Variants in GPHN observed in about 807,000 individuals in gnomAD.
GPHN encodes gephyrin.
A neutral mutation model predicts 95.5 loss-of-function variants in GPHN; 17 were observed. That is an observed-to-expected ratio of 0.18 (90% CI 0.12 to 0.27). GPHN has a LOEUF of 0.27. Among genes scored for constraint, GPHN ranks in the 10% least tolerant of loss-of-function variants. The pLI, the probability that GPHN is intolerant of heterozygous loss-of-function variation, is 1.00. For missense variants in GPHN, 660 were observed against 978.1 expected (o/e 0.67, Z 4.34); for synonymous variants, 320 against 322.5 (o/e 0.99, Z 0.08).
the GPHN span, chr14:67,280,015 G>A: frequency 2.0e-5 from 3 of 152,528 alleles, no homozygotes; most frequent in Non-Finnish European, 4.4e-5. Flanking sequence ...TAAAATAATG[G>A]TATTTTCTAT....
At chr14:67,468,965 C>T in the GPHN span, among the ~76,000 whole-genome samples, 31 of 151,998 alleles carry the variant, frequency 2.0e-4, no homozygotes, top group Admixed American at 3.3e-4. Flanking sequence ...CGCTCGGGGA[C>T]CTGCCTCTTG....
At chr14:67,326,000 T>G in the GPHN span, among the ~76,000 whole-genome samples, 2 of 136,092 alleles carry the variant, frequency 1.5e-5, no homozygotes, top group Non-Finnish European at 3.1e-5. Flanking sequence ...TTTTTTTTTG[T>G]ATTTTTAGTA....
the GPHN span, chr14:67,303,480 A>C: frequency 3.4e-6 from 5 of 1,469,954 alleles, no homozygotes; most frequent in African/African-American, 4.2e-5. Flanking sequence ...AATGATTTTC[A>C]TAAATGCAAA....
At chr14:66,596,479 C>G (rs2061977740) in intron 1 of GPHN, among the ~76,000 whole-genome samples, 1 of 152,184 alleles carries the variant, frequency 6.6e-6, no homozygotes, top group Non-Finnish European at 1.5e-5. Context: ...TCAAGCCACT[C>G]TTAGCCCCCT....
At chr14:67,380,565 T>C in the GPHN span, 2 of 559,110 alleles carry the variant, frequency 3.6e-6, no homozygotes, top group Non-Finnish European at 5.9e-6. Flanking sequence ...TATTATATGC[T>C]TAACTATTAT....
chr14:67,075,589 C>T (rs1457137359), intron 11 of GPHN, among the ~76,000 whole-genome samples: 3 of 152,124 alleles, frequency 2.0e-5, no homozygotes, highest in African/African-American at 7.2e-5. Flanking sequence ...AAAGGATTCA[C>T]CATTCTAGAT....
intron 2 of GPHN, among the ~76,000 whole-genome samples, chr14:66,684,453 AGCTAGATGAG>A (rs1275829689): frequency 6.6e-6 from 1 of 152,236 alleles, no homozygotes; most frequent in Non-Finnish European, 1.5e-5. Context: ...GAGTAGTCAG[AGCTAGATGAG>A]GGGCTTACTG....
At chr14:66,867,195 C>T (rs1396091855) in intron 4 of GPHN, among the ~76,000 whole-genome samples, 3 of 152,102 alleles carry the variant, frequency 2.0e-5, no homozygotes, top group Non-Finnish European at 2.9e-5. Context: ...AAGATAATAT[C>T]TCTCAAGTAA....
chr14:66,596,478 T>C (rs7152993), intron 1 of GPHN, among the ~76,000 whole-genome samples: 49,802 of 152,018 alleles, frequency 0.33, 12,014 homozygotes, highest in African/African-American at 0.66. Context: ...ATCAAGCCAC[T>C]CTTAGCCCCC....
At chr14:67,563,731 CTTTT>C in the GPHN span, among the ~76,000 whole-genome samples, 1 of 86,830 alleles carries the variant, frequency 1.2e-5, no homozygotes, top group Non-Finnish European at 2.4e-5. Flanking sequence ...CTGAGCCTGG[CTTTT>C]TTTTTTTTTT....
the GPHN span, among the ~76,000 whole-genome samples, chr14:67,660,911 G>A: frequency 6.6e-6 from 1 of 152,190 alleles, no homozygotes; most frequent in African/African-American, 2.4e-5. Flanking sequence ...GATATGCCCA[G>A]CTGTACACAG....
chr14:67,128,579 A>G (rs894533581), intron 17 of GPHN, among the ~76,000 whole-genome samples: 45 of 152,206 alleles, frequency 3.0e-4, no homozygotes, highest in African/African-American at 1.0e-3. Flanking sequence ...GAAATACCCT[A>G]TACACCCAAG....
chr14:67,138,146 A>G (rs2080212232), intron 17 of GPHN, among the ~76,000 whole-genome samples: 1 of 152,254 alleles, frequency 6.6e-6, no homozygotes, highest in Non-Finnish European at 1.5e-5. Flanking sequence ...AGAAGAATAG[A>G]GAAAACACAG....
chr14:66,895,656 A>C (rs1468501114), intron 5 of GPHN, among the ~76,000 whole-genome samples: 1 of 152,198 alleles, frequency 6.6e-6, no homozygotes, highest in Non-Finnish European at 1.5e-5. Context: ...AGAATTTTAC[A>C]CTCAGCAAAG....
chr14:67,298,245 T>C, the GPHN span, among the ~76,000 whole-genome samples: 1 of 152,146 alleles, frequency 6.6e-6, no homozygotes, highest in African/African-American at 2.4e-5. Context: ...ATTTTAGTAA[T>C]TTATTAGTAT....
At chr14:67,263,171 T>C in the GPHN span, among the ~76,000 whole-genome samples, 1 of 152,256 alleles carries the variant, frequency 6.6e-6, no homozygotes, top group Admixed American at 6.5e-5. Flanking sequence ...TTTCTGTTGA[T>C]GAAAAATGAA....
chr14:67,144,258 T>A lies in GPHN; in HGVS notation c.1836+809T>A, dbSNP rs1361085671. Among the ~76,000 whole-genome samples the A allele has an allele frequency of 2.3e-3, 198 of 85,900 alleles. 7 individuals are homozygous for A. The highest frequency in any genetic ancestry group is 4.1e-3 in the South Asian group (12 of 2,910). 56.4% of individuals were successfully genotyped at this position (85,900 alleles called of 152,430 possible). On this transcript the variant is annotated intron_variant, in intron 18 of 22. Transcript: ENST00000478722. ...TCTTAAAAAAAAAAAAAAATATATA[T>A]ATATATATATATATATATATATATA...
At chr14:66,910,690 A>G (rs1239329467) in intron 5 of GPHN, among the ~76,000 whole-genome samples, 3 of 152,088 alleles carry the variant, frequency 2.0e-5, no homozygotes, top group African/African-American at 7.2e-5. Context: ...ATATATCTAC[A>G]TAAACAATAT....
At chr14:66,628,460 A>G (rs1351992531) in intron 1 of GPHN, among the ~76,000 whole-genome samples, 1 of 152,134 alleles carries the variant, frequency 6.6e-6, no homozygotes, top group African/African-American at 2.4e-5. Flanking sequence ...CTAAACATAG[A>G]AAAATGCTGT....
Sources: allele counts gnomAD v4.1 joint callset (sites outside exome capture counted in the v4.1 genomes callset), GRCh38; gene constraint gnomAD v4.1.1; transcripts MANE v1.5; gene names NCBI Gene and HGNC (gene_info 2026-07-23, HGNC 2026-07-21).